Variants in CUL4B observed in about 807,000 individuals in gnomAD.
The protein encoded by CUL4B is cullin-4B.
A neutral mutation model predicts 69.2 loss-of-function variants in CUL4B; 1 was observed. The observed-to-expected ratio is 0.01, with a 90% confidence interval of 0.01 to 0.07. The LOEUF (loss-of-function observed/expected upper bound fraction) is 0.07, where lower values mean the gene tolerates loss of function less well. Ranked by LOEUF, CUL4B falls within the 10% of genes least tolerant of loss-of-function variation. CUL4B has a pLI of 1.00. For missense variants in CUL4B, 328 were observed against 638.8 expected (o/e 0.51, Z 5.24); for synonymous variants, 237 against 223.2 (o/e 1.06, Z -0.55).
At chrX:120,532,641 C>T in intron 17 of CUL4B, 47 bp from the exon 18 acceptor site, 1 of 1,024,408 alleles carries the variant, frequency 9.8e-7, no homozygotes, top group South Asian at 1.9e-5. Context: ...GCATGAACAA[C>T]TACGACATTC....
At position 120,541,714 on chromosome X, in the gene CUL4B, T is replaced by G. The variant is rs773131729; in HGVS notation, c.1331A>C (p.Asn444Thr). The change falls in exon 10 of 20, where the codon AAT becomes ACT. Residue 444 changes from asparagine to threonine, a missense_variant. Physicochemically the swap from Asn to Thr is moderately conservative, Grantham distance 65. Around this residue, in one of 4 missense-constraint regions of CUL4B, gnomAD observed 126 missense variants for 202.5 expected, o/e 0.62. Coordinates refer to ENST00000371322, the MANE Select transcript of CUL4B (RefSeq NM_001079872.2). ...AATTCGGTTTTCATCAAGGAGGTTA[T>G]TTAAACCTGTATTTTAAAACATTTT... is the stretch of plus-strand genomic sequence containing the variant. ...HLTAILQKGL[N>T]NLLDENRIQD... The G allele has an allele frequency of 8.8e-7, 1 of 1,135,630 alleles. No homozygotes were observed. Among genetic ancestry groups the G allele is most frequent in the Admixed American group, 2.2e-5 (1 of 45,891 alleles). 93.6% of individuals were successfully genotyped at this position (1,135,630 alleles called of 1,213,427 possible).
rs1350142791 is a variant in CUL4B at position 120,524,510 on chromosome X, T to G, written c.*2251A>C. Reference sequence around the variant, plus strand: ...TTTAAAAAGTTTAAAAATAACAAAATCAACAAATGTGAGTTCATTAGAAGT... The same window carrying G: ...TTTAAAAAGTTTAAAAATAACAAAAGCAACAAATGTGAGTTCATTAGAAGT... On this transcript the variant is annotated 3_prime_UTR_variant, in exon 20 of 20. Coordinates refer to ENST00000371322, the MANE Select transcript of CUL4B (RefSeq NM_001079872.2). 2.7e-5 allele frequency: 3 copies of G among 112,000 alleles called. No homozygotes were observed. The highest frequency in any genetic ancestry group is 9.5e-5 in the Admixed American group (1 of 10,480). The allele number at this position is 112,000 out of a possible 1,213,427, so 9.2% of individuals were successfully genotyped here. A position where few individuals can be genotyped will look rare whatever the true frequency, so the allele number is the denominator to read the frequency against.
At chrX:120,530,045 C>A in intron 19 of CUL4B, 57 bp downstream of exon 19, 4 of 1,114,953 alleles carry the variant, frequency 3.6e-6, no homozygotes, top group Middle Eastern at 5.2e-4. Flanking sequence ...GTCTGAAAAT[C>A]TAATGTACTT....
At chrX:120,545,620 T>C in intron 4 of CUL4B, 103 bp from the exon 5 acceptor site, 1 of 545,724 alleles carries the variant, frequency 1.8e-6, no homozygotes, top group East Asian at 3.7e-5. Context: ...TGTATATATA[T>C]TACATTACTA....
At chrX:120,559,924 T>C in intron 1 of CUL4B, 159 bp downstream of exon 1, 1 of 1,140,308 alleles carries the variant, frequency 8.8e-7, no homozygotes, top group Non-Finnish European at 1.2e-6. Flanking sequence ...CCCCGGAAAA[T>C]GAACCCTCCA....
intron 15 of CUL4B, among the ~76,000 whole-genome samples, 196 bp from the exon 16 acceptor site, chrX:120,536,139 GCT>G (rs1215516324): frequency 8.9e-6 from 1 of 112,776 alleles, no homozygotes; most frequent in Non-Finnish European, 1.9e-5. Context: ...TATACCTTTT[GCT>G]CTCTCTGAAC....
intron 2 of CUL4B, among the ~76,000 whole-genome samples, chrX:120,555,739 C>T (rs1363998341): frequency 9.2e-6 from 1 of 109,187 alleles, no homozygotes; most frequent in African/African-American, 3.3e-5. Context: ...GTCAGGAGTT[C>T]GAGATCAGCC....
chrX:120,557,687 G>GT (rs1925059321), intron 2 of CUL4B, among the ~76,000 whole-genome samples: 1 of 111,529 alleles, frequency 9.0e-6, no homozygotes, highest in African/African-American at 3.3e-5. Flanking sequence ...CAAGGTACAC[G>GT]TAACTGTAAT....
chrX:120,534,755 G>A (rs1035884506), intron 16 of CUL4B, among the ~76,000 whole-genome samples, 169 bp from the exon 17 acceptor site: 1 of 111,450 alleles, frequency 9.0e-6, no homozygotes, highest in Non-Finnish European at 1.9e-5. Flanking sequence ...TGAGGTTTAG[G>A]TGTGACCCTA....
chrX:120,560,921 A>ATC lies in CUL4B; in HGVS notation c.-285_-284dup. On this transcript the variant is annotated 5_prime_UTR_variant, in exon 1 of 20. Transcript: ENST00000371322. ...TGCCGTCCCCCTCCCCTGCTTTTCG[A>ATC]TCTCTCTCCCCCCCTTTCTGCAGGA... is the stretch of plus-strand genomic sequence containing the variant. The ATC allele has an allele frequency of 2.7e-6, 2 of 747,808 alleles. No individual in the cohort carries two copies. Among genetic ancestry groups the ATC allele is most frequent in the Non-Finnish European group, 3.1e-6 (2 of 636,849 alleles). The allele number at this position is 747,808 out of a possible 1,213,427, so 61.6% of individuals were successfully genotyped here. A position where few individuals can be genotyped will look rare whatever the true frequency, so the allele number is the denominator to read the frequency against.
At chrX:120,567,249 A>G (rs1272262465), downstream of CUL4B, among the ~76,000 whole-genome samples, 4 of 106,671 alleles carry the variant, frequency 3.7e-5, no homozygotes, top group Non-Finnish European at 7.7e-5. Flanking sequence ...TTGGCCTCCC[A>G]AGTAGCTGGG....
At chrX:120,561,030 G>A (rs1925268183), upstream of CUL4B, 3 of 966,165 alleles carry the variant, frequency 3.1e-6, no homozygotes, top group Non-Finnish European at 3.9e-6. Flanking sequence ...TTGGGGGAAA[G>A]GGGGAGGGGG....
chrX:120,525,474 T>C lies in CUL4B; in HGVS notation c.*1287A>G, dbSNP rs1389843712. ...GTGACAGTAAAGAGAAGCCTTTGCT[T>C]GAATTATCAATTCGAAAAACAGTAC... On this transcript the variant is annotated 3_prime_UTR_variant, in exon 20 of 20. Transcript: ENST00000371322. 1 of 112,176 alleles carries C rather than the reference T, an allele frequency of 8.9e-6. No individual in the cohort carries two copies. The allele number at this position is 112,176 out of a possible 1,213,427, so 9.2% of individuals were successfully genotyped here. A position where few individuals can be genotyped will look rare whatever the true frequency, so the allele number is the denominator to read the frequency against.
At chrX:120,530,964 C>A (rs182198427) in intron 18 of CUL4B, among the ~76,000 whole-genome samples, 37 of 111,551 alleles carry the variant, frequency 3.3e-4, no homozygotes, top group Non-Finnish European at 1.9e-5. Flanking sequence ...AAGAAAATAT[C>A]CTGTCTTTGA....
intron 16 of CUL4B, 29 bp from the exon 17 acceptor site, chrX:120,534,615 T>C (rs777222761): frequency 1.0e-6 from 1 of 1,002,366 alleles, no homozygotes; most frequent in African/African-American, 1.9e-5. Context: ...TGTTTAGTCA[T>C]CACTTTTTTA....
rs190974499 is a variant in CUL4B at position 120,534,448 on chromosome X, G to C, written c.2266+33C>G. On this transcript the variant is annotated intron_variant, in intron 17 of 19. Coordinates refer to ENST00000371322, the MANE Select transcript of CUL4B (RefSeq NM_001079872.2). ...CCCAGACCTCTTAACATAGTGGTGT[G>C]CACATAGTGAACAATTAATGTTTGC... is the stretch of plus-strand genomic sequence containing the variant. 804 of 887,605 alleles carry C rather than the reference G, an allele frequency of 9.1e-4. 6 individuals carry two copies. The African/African-American group carries it at 0.014, about 16-fold the overall frequency. 73.1% of individuals were successfully genotyped at this position (887,605 alleles called of 1,213,427 possible). A position where few individuals can be genotyped will look rare whatever the true frequency, so the allele number is the denominator to read the frequency against.
chrX:120,534,684 T>C (rs1172654601), intron 16 of CUL4B, 98 bp from the exon 17 acceptor site: 15 of 592,164 alleles, frequency 2.5e-5, no homozygotes, highest in Non-Finnish European at 8.6e-6. Flanking sequence ...TTAGTGGATT[T>C]AGAAACATGA....
intron 19 of CUL4B, among the ~76,000 whole-genome samples, 189 bp from the exon 20 acceptor site, chrX:120,527,045 T>C (rs1336705935): frequency 8.9e-6 from 1 of 111,896 alleles, no homozygotes; most frequent in African/African-American, 3.2e-5. Context: ...AAAAATGTTT[T>C]ATACACGTTG....
chrX:120,571,297 C>T (rs192544694), exon 3 of CUL4B: 100 of 110,959 alleles, frequency 9.0e-4, no homozygotes, highest in African/African-American at 3.1e-3. Flanking sequence ...ATTAAAAAAA[C>T]TAAAAGGTTT....
Sources: allele counts gnomAD v4.1 joint callset (sites outside exome capture counted in the v4.1 genomes callset), GRCh38; gene constraint gnomAD v4.1.1; regional missense constraint gnomAD v4.1.1; transcripts MANE v1.5; gene names NCBI Gene and HGNC (gene_info 2026-07-23, HGNC 2026-07-21).